NKAIN2: variants seen among roughly 807,000 people sequenced by gnomAD.
NKAIN2 encodes sodium/potassium transporting ATPase interacting 2, also known as sodium/potassium-transporting ATPase subunit beta-1-interacting protein 2.
NKAIN2 carries 14 observed loss-of-function variants against 32.6 expected under a neutral mutation model. That is an observed-to-expected ratio of 0.43 (90% CI 0.28 to 0.67). The LOEUF is 0.67. Ranked by LOEUF, NKAIN2 falls within the 30% of genes least tolerant of loss-of-function variation. The probability of loss-of-function intolerance (pLI) is 0.17; values close to 1 mark genes in which losing one functional copy is unlikely to be tolerated. For synonymous variants in NKAIN2, 80 were observed against 87.2 expected, an observed-to-expected ratio of 0.92 and a Z score of 0.46; for missense variants, 198 against 258.3, an observed-to-expected ratio of 0.77 and a Z score of 1.60.
chr6:124,443,791 A>G (rs1775786417), intron 3 of NKAIN2, among the ~76,000 whole-genome samples: 1 of 152,042 alleles, frequency 6.6e-6, no homozygotes, highest in Non-Finnish European at 1.5e-5. Flanking sequence ...TGACTAGGTA[A>G]ATGATCATAG....
At chr6:124,270,949 C>T (rs1179148073) in intron 1 of NKAIN2, among the ~76,000 whole-genome samples, 1 of 152,218 alleles carries the variant, frequency 6.6e-6, no homozygotes, top group Non-Finnish European at 1.5e-5. Context: ...ACCCAAATCT[C>T]TTCTCAAATT....
At chr6:124,478,627 A>G (rs1456196298) in intron 3 of NKAIN2, among the ~76,000 whole-genome samples, 1 of 152,232 alleles carries the variant, frequency 6.6e-6, no homozygotes, top group African/African-American at 2.4e-5. Context: ...ATAGCATAGT[A>G]TTAGATTATA....
At chr6:124,331,086 G>T (rs2626131) in intron 2 of NKAIN2, among the ~76,000 whole-genome samples, 96,365 of 151,790 alleles carry the variant, frequency 0.63, 30,717 homozygotes, top group African/African-American at 0.69. Flanking sequence ...TCTAGAATGC[G>T]TTAATTGAAT....
chr6:124,809,832 C>T (rs1318757728), intron 5 of NKAIN2, among the ~76,000 whole-genome samples: 1 of 152,094 alleles, frequency 6.6e-6, no homozygotes, highest in African/African-American at 2.4e-5. Flanking sequence ...AGGACATGAA[C>T]AAACACTTCT....
At chr6:124,282,983 C>T (rs1019753478) in intron 1 of NKAIN2, 22 bp from the exon 2 acceptor site, 2 of 1,611,962 alleles carry the variant, frequency 1.2e-6, no homozygotes, top group Admixed American at 1.7e-5. Context: ...GCTGATCTGT[C>T]CATCCTGTTT....
intron 1 of NKAIN2, among the ~76,000 whole-genome samples, chr6:124,276,702 A>G (rs1795051639): frequency 6.6e-6 from 1 of 152,198 alleles, no homozygotes; most frequent in Non-Finnish European, 1.5e-5. Context: ...GCAATCTTGT[A>G]AAGAGCACAG....
At chr6:124,562,531 C>A (rs1446272427) in intron 3 of NKAIN2, among the ~76,000 whole-genome samples, 1 of 152,064 alleles carries the variant, frequency 6.6e-6, no homozygotes, top group Non-Finnish European at 1.5e-5. Context: ...TATTAAGGTT[C>A]TCAAAGAATT....
At chr6:123,852,429 C>G (rs528688278) in intron 1 of NKAIN2, among the ~76,000 whole-genome samples, 1 of 152,288 alleles carries the variant, frequency 6.6e-6, no homozygotes, top group East Asian at 1.9e-4. Flanking sequence ...CATCCTTCAG[C>G]TAACACCTTC....
chr6:124,740,470 G>A (rs1338555494), intron 4 of NKAIN2, among the ~76,000 whole-genome samples: 1 of 151,058 alleles, frequency 6.6e-6, no homozygotes, highest in African/African-American at 2.4e-5. Flanking sequence ...GTGTGTGTGT[G>A]TGTGGTGATA....
chr6:123,877,288 T>C (rs990463269), intron 1 of NKAIN2, among the ~76,000 whole-genome samples: 3 of 152,242 alleles, frequency 2.0e-5, no homozygotes, highest in African/African-American at 4.8e-5. Flanking sequence ...TGTCACTTTT[T>C]CTTTGACCTG....
chr6:124,327,470 T>A (rs540161384), intron 2 of NKAIN2, among the ~76,000 whole-genome samples: 7 of 152,274 alleles, frequency 4.6e-5, no homozygotes, highest in Non-Finnish European at 1.0e-4. Context: ...TCTTCCCAAC[T>A]TTTTAATTTG....
chr6:123,811,554 A>C (rs1773475108), intron 1 of NKAIN2, among the ~76,000 whole-genome samples: 1 of 151,898 alleles, frequency 6.6e-6, no homozygotes, highest in African/African-American at 2.4e-5. Context: ...AATAACTATG[A>C]CTTTGCTTGA....
chr6:124,062,346 C>T (rs150223233), intron 1 of NKAIN2, among the ~76,000 whole-genome samples: 17 of 152,176 alleles, frequency 1.1e-4, no homozygotes, highest in Middle Eastern at 3.4e-3. Flanking sequence ...TTCATGTCTG[C>T]GCATTTGCTT....
At chr6:123,890,672 C>T (rs1042887610) in intron 1 of NKAIN2, among the ~76,000 whole-genome samples, 7 of 151,928 alleles carry the variant, frequency 4.6e-5, no homozygotes, top group Non-Finnish European at 8.8e-5. Flanking sequence ...TACAGCAAAC[C>T]CAGAAAGTAT....
intron 3 of NKAIN2, among the ~76,000 whole-genome samples, chr6:124,432,661 C>T (rs902605978): frequency 6.6e-6 from 1 of 151,912 alleles, no homozygotes; most frequent in Admixed American, 6.6e-5. Context: ...GAGTGAACCA[C>T]CATATAGAGA....
At chr6:124,331,374 A>AAAAAAAAAAAC (rs1797649524) in intron 2 of NKAIN2, among the ~76,000 whole-genome samples, 1 of 144,906 alleles carries the variant, frequency 6.9e-6, no homozygotes, top group African/African-American at 2.6e-5. Context: ...AAAAAAAAAA[A>AAAAAAAAAAAC]AAAAACTAGC....
At chr6:124,598,324 C>G (rs1274225847) in intron 3 of NKAIN2, among the ~76,000 whole-genome samples, 1 of 151,990 alleles carries the variant, frequency 6.6e-6, no homozygotes, top group Non-Finnish European at 1.5e-5. Context: ...TATCATGATC[C>G]ATAAAAGTGT....
intron 1 of NKAIN2, among the ~76,000 whole-genome samples, chr6:123,952,359 A>G (rs966714570): frequency 6.6e-6 from 1 of 152,032 alleles, no homozygotes; most frequent in Non-Finnish European, 1.5e-5. Context: ...CAGTTTGTCT[A>G]TAGTATGCCA....
intron 1 of NKAIN2, among the ~76,000 whole-genome samples, chr6:123,987,495 C>G (rs1033737776): frequency 3.9e-5 from 6 of 152,020 alleles, no homozygotes; most frequent in African/African-American, 1.4e-4. Context: ...AAGCTTGGGC[C>G]GATGTGGGAG....
Sources: allele counts gnomAD v4.1 joint callset (sites outside exome capture counted in the v4.1 genomes callset), GRCh38; gene constraint gnomAD v4.1.1; transcripts MANE v1.5; gene names NCBI Gene and HGNC (gene_info 2026-07-23, HGNC 2026-07-21).